Variants in DOCK2 observed in about 807,000 individuals in gnomAD.
DOCK2 encodes the protein dedicator of cytokinesis protein 2.
DOCK2 carries 87 observed loss-of-function variants against 248.9 expected under a neutral mutation model. The ratio of observed to expected loss-of-function variants is 0.35; its 90% CI spans 0.29 to 0.42. The LOEUF is 0.42. DOCK2 is among the 10% of genes least tolerant of loss of function. DOCK2 has a pLI of 1.00. For synonymous variants in DOCK2, 805 were observed against 821.6 expected (o/e 0.98, Z 0.35); for missense variants, 1,747 against 2,300.2 (o/e 0.76, Z 4.92).
At chr5:169,786,463 A>G (rs1765987143) in intron 25 of DOCK2, among the ~76,000 whole-genome samples, 1 of 152,176 alleles carries the variant, frequency 6.6e-6, no homozygotes, top group Non-Finnish European at 1.5e-5. Context: ...TAATGAGATG[A>G]TGAAACCGAG....
intron 27 of DOCK2, among the ~76,000 whole-genome samples, chr5:169,850,550 A>AC (rs1260013785): frequency 2.0e-5 from 3 of 151,360 alleles, no homozygotes; most frequent in African/African-American, 7.3e-5. Context: ...GAAAATAGTA[A>AC]AAAAAATTAG....
At chr5:170,011,861 C>T (rs1755309999) in intron 32 of DOCK2, among the ~76,000 whole-genome samples, 1 of 152,182 alleles carries the variant, frequency 6.6e-6, no homozygotes, top group Admixed American at 6.5e-5. Context: ...GGGGCAGTAG[C>T]CATCTTAAAG....
intron 25 of DOCK2, among the ~76,000 whole-genome samples, chr5:169,768,062 C>T (rs1764890394): frequency 6.6e-6 from 1 of 152,164 alleles, no homozygotes; most frequent in African/African-American, 2.4e-5. Flanking sequence ...TGCATGTGGC[C>T]TCCCTGTAGC....
At chr5:169,886,574 T>A (rs1022979085) in intron 27 of DOCK2, among the ~76,000 whole-genome samples, 22 of 152,314 alleles carry the variant, frequency 1.4e-4, no homozygotes, top group Non-Finnish European at 1.9e-4. Context: ...GTAACAAATA[T>A]GTATTAACAA....
Position 169,670,177 on chromosome 5 carries a change from C to T in DOCK2, c.169-365C>T, listed in dbSNP as rs558021359. 4.6e-5 allele frequency among the ~76,000 whole-genome samples: 7 copies of T among 152,322 alleles called. No homozygotes were observed. In the East Asian group the frequency reaches 5.8e-4, roughly 13 times the overall value. ...AGGCAATGGGAGAAGCAGAGCTCCT[C>T]GTCTCGCTTAAAGTCAGTGAGTGGT... On this transcript the variant is annotated intron_variant, in intron 3 of 51. Transcript: ENST00000520908.
At chr5:169,792,178 A>G (rs1766378667) in intron 25 of DOCK2, among the ~76,000 whole-genome samples, 1 of 152,168 alleles carries the variant, frequency 6.6e-6, no homozygotes, top group Non-Finnish European at 1.5e-5. Context: ...CCAATCTGAT[A>G]GGTGTCCTGA....
intron 27 of DOCK2, among the ~76,000 whole-genome samples, chr5:169,867,068 A>G (rs1771611850): frequency 6.6e-6 from 1 of 152,210 alleles, no homozygotes; most frequent in South Asian, 2.1e-4. Context: ...AATTTGCTGG[A>G]GTGGTTCACA....
intron 25 of DOCK2, among the ~76,000 whole-genome samples, chr5:169,777,961 C>A (rs1292494055): frequency 2.6e-5 from 4 of 152,212 alleles, no homozygotes; most frequent in Non-Finnish European, 5.9e-5. Flanking sequence ...TCATTTTCCT[C>A]ATTTCTCAAA....
At chr5:169,866,740 T>G (rs1771588012) in intron 27 of DOCK2, among the ~76,000 whole-genome samples, 1 of 152,212 alleles carries the variant, frequency 6.6e-6, no homozygotes, top group African/African-American at 2.4e-5. Context: ...ACTGACTGTC[T>G]ATTTCAGGAG....
At chr5:169,911,612 G>A (rs1426020226) in intron 27 of DOCK2, among the ~76,000 whole-genome samples, 1 of 152,180 alleles carries the variant, frequency 6.6e-6, no homozygotes, top group Non-Finnish European at 1.5e-5. Context: ...TTCACGTGGT[G>A]CTAAATCAAT....
At chr5:169,640,941 G>A (rs1038450747) in intron 1 of DOCK2, among the ~76,000 whole-genome samples, 29 of 152,234 alleles carry the variant, frequency 1.9e-4, no homozygotes, top group African/African-American at 5.1e-4. Context: ...CATGTGTGGT[G>A]TTGAGGAATA....
At chr5:169,724,386 G>A (rs1762359826) in intron 22 of DOCK2, among the ~76,000 whole-genome samples, 1 of 152,172 alleles carries the variant, frequency 6.6e-6, no homozygotes, top group South Asian at 2.1e-4. Context: ...CATCCCCAGG[G>A]AATGAATAAA....
At chr5:169,897,352 C>T (rs79132556) in intron 27 of DOCK2, among the ~76,000 whole-genome samples, 8,744 of 151,964 alleles carry the variant, frequency 0.058, 316 homozygotes, top group Non-Finnish European at 0.083. Context: ...ACCCAGCTAA[C>T]CATTTTTGTA....
rs115134653 is a variant in DOCK2 at position 170,055,395 on chromosome 5, C to T, written c.4295+9C>T. 6,243 of 1,613,506 alleles carry T rather than the reference C, an allele frequency of 3.9e-3. 23 individuals carry two copies. Among genetic ancestry groups the T allele is most frequent in the Non-Finnish European group, 4.0e-3 (4,771 of 1,179,464 alleles). On this transcript the variant is annotated intron_variant, in intron 42 of 51. Transcript: ENST00000520908. Reference sequence around the variant, plus strand: ...CCTGACCAGATTATAAAGTAAGACTCGTTGTCCACAGGGAAGAAGGATGGG... The same window carrying T: ...CCTGACCAGATTATAAAGTAAGACTTGTTGTCCACAGGGAAGAAGGATGGG...
chr5:170,042,190 TC>T, intron 38 of DOCK2, 58 bp downstream of exon 38: 1 of 1,525,970 alleles, frequency 6.6e-7, no homozygotes, highest in South Asian at 1.2e-5. Flanking sequence ...GATGGTTCTC[TC>T]CCATACCTTA....
chr5:170,025,364 G>A (rs555303174), intron 33 of DOCK2, among the ~76,000 whole-genome samples: 19 of 152,350 alleles, frequency 1.2e-4, no homozygotes, highest in Non-Finnish European at 2.4e-4. Context: ...CAGCAGCAGA[G>A]TTCAGTAGTT....
intron 9 of DOCK2, among the ~76,000 whole-genome samples, chr5:169,690,798 G>A (rs1210930539): frequency 1.3e-5 from 2 of 152,286 alleles, no homozygotes; most frequent in East Asian, 3.9e-4. Context: ...GTGTCACACA[G>A]CATTAATGAG....
chr5:169,846,883 A>G (rs114578084), intron 27 of DOCK2, among the ~76,000 whole-genome samples: 3,321 of 151,200 alleles, frequency 0.022, 60 homozygotes, highest in Non-Finnish European at 0.032. Context: ...TCCAAGGTCC[A>G]TTACGTTACT....
intron 1 of DOCK2, among the ~76,000 whole-genome samples, chr5:169,651,817 G>C (rs1235617432): frequency 6.6e-6 from 1 of 152,134 alleles, no homozygotes; most frequent in African/African-American, 2.4e-5. Flanking sequence ...ATCCCCCGAG[G>C]GCCCTCTCTA....
Sources: allele counts gnomAD v4.1 joint callset (sites outside exome capture counted in the v4.1 genomes callset), GRCh38; gene constraint gnomAD v4.1.1; transcripts MANE v1.5; gene names NCBI Gene and HGNC (gene_info 2026-07-23, HGNC 2026-07-21).